ADAT2: variants seen among roughly 807,000 people sequenced by gnomAD.
ADAT2 encodes adenosine deaminase tRNA specific 2.
A neutral mutation model predicts 25.9 loss-of-function variants in ADAT2; 26 were observed. The ratio of observed to expected loss-of-function variants is 1.00; its 90% CI spans 0.74 to 1.39. ADAT2 has a LOEUF of 1.39. ADAT2 is among the 40% of genes most tolerant of loss of function. ADAT2 has a pLI of 0.00. For synonymous variants in ADAT2, 76 were observed against 86.8 expected, an observed-to-expected ratio of 0.88 and a Z score of 0.69; for missense variants, 220 against 244.8, an observed-to-expected ratio of 0.90 and a Z score of 0.68.
chr6:143,438,780 T>C, intron 1 of ADAT2, 86 bp from the exon 2 acceptor site: 1 of 1,080,724 alleles, frequency 9.3e-7, no homozygotes. Context: ...ATGAACAAGA[T>C]ACACATGTAC....
At chr6:143,438,857 C>A (rs1779372043) in intron 1 of ADAT2, among the ~76,000 whole-genome samples, 163 bp from the exon 2 acceptor site, 1 of 152,072 alleles carries the variant, frequency 6.6e-6, no homozygotes, top group Non-Finnish European at 1.5e-5. Flanking sequence ...GTATTTAGTG[C>A]CCGTGTTCTG....
rs1376436430 is a variant in ADAT2, at chr6:143,424,429, T to G, written c.*4034A>C. 1 of 152,238 alleles carries G rather than the reference T, an allele frequency of 6.6e-6. No homozygotes were observed. The highest frequency in any genetic ancestry group is 1.5e-5 in the Non-Finnish European group (1 of 68,044). 9.4% of individuals were successfully genotyped at this position (152,238 alleles called of 1,614,324 possible). On this transcript the variant is annotated 3_prime_UTR_variant, in exon 6 of 6. Transcript: ENST00000237283. This position sits in a 1 kb window ranked among gnomAD's most constrained non-coding sequence, Gnocchi z 4.8. ...GAGCTTTGGCTTTTGCTATTTTTACTGACATTTTGAAAGTAGCAGTGCTTA... is the reference window on the plus strand; with the variant it reads ...GAGCTTTGGCTTTTGCTATTTTTACGGACATTTTGAAAGTAGCAGTGCTTA...
At chr6:143,438,879 T>C (rs1358976136) in intron 1 of ADAT2, among the ~76,000 whole-genome samples, 185 bp from the exon 2 acceptor site, 2 of 152,128 alleles carry the variant, frequency 1.3e-5, no homozygotes, top group East Asian at 1.9e-4. Flanking sequence ...GTTGTGTCCA[T>C]GTTAAGGGAG....
In ADAT2 at chr6:143,426,280, CCT is replaced by C. The variant is rs1778931786; in HGVS notation, c.*2181_*2182del. On this transcript the variant is annotated 3_prime_UTR_variant, in exon 6 of 6. Coordinates refer to ENST00000237283, the MANE Select transcript of ADAT2 (RefSeq NM_182503.3). This position sits in a 1 kb window ranked among gnomAD's most constrained non-coding sequence, Gnocchi z 4.1. ...ATGTGGTACTCAGGAAGCTGAATGACCTCAACATATATCCATAATTCCTCACT... is the reference window on the plus strand; with the variant it reads ...ATGTGGTACTCAGGAAGCTGAATGACCAACATATATCCATAATTCCTCACT... 3 of 152,170 alleles carry C rather than the reference CCT, an allele frequency of 2.0e-5. No homozygotes were observed. Among genetic ancestry groups the C allele is most frequent in the Admixed American group, 1.3e-4 (2 of 15,280 alleles). The allele number at this position is 152,170 out of a possible 1,614,324, so 9.4% of individuals were successfully genotyped here.
intron 1 of ADAT2, among the ~76,000 whole-genome samples, chr6:143,447,368 AGTCACTC>A (rs1482764421): frequency 6.6e-6 from 1 of 152,216 alleles, no homozygotes; most frequent in African/African-American, 2.4e-5. Context: ...CATTTTAGGT[AGTCACTC>A]CATAGCAACA....
rs966708207 is a variant in ADAT2 at position 143,450,500 on chromosome 6, G to A, written c.96+63C>T. Reference sequence around the variant, plus strand: ...GAGAAAGAACGTTTGCTCAAATGCCGGGGTCGGGTTGAGGGCTGGAGAAAG... The same window carrying A: ...GAGAAAGAACGTTTGCTCAAATGCCAGGGTCGGGTTGAGGGCTGGAGAAAG... On this transcript the variant is annotated intron_variant, in intron 1 of 5. Coordinates refer to ENST00000237283, the MANE Select transcript of ADAT2 (RefSeq NM_182503.3). 170 of 1,544,642 alleles carry A rather than the reference G, an allele frequency of 1.1e-4. 1 individual carries two copies. The highest frequency in any genetic ancestry group is 5.4e-5 in the African/African-American group (4 of 73,420).
At chr6:143,450,416 G>C in intron 1 of ADAT2, 147 bp downstream of exon 1, 1 of 817,956 alleles carries the variant, frequency 1.2e-6, no homozygotes, top group Non-Finnish European at 2.0e-6. Context: ...AGAAAGTTTC[G>C]AGGCAGTAAA....
chr6:143,430,422 G>C (rs965886171), intron 4 of ADAT2, among the ~76,000 whole-genome samples: 1 of 152,096 alleles, frequency 6.6e-6, no homozygotes, highest in Non-Finnish European at 1.5e-5. Flanking sequence ...TGATTCTAAC[G>C]GGCAGTCCGG....
chr6:143,439,889 C>G (rs1176384846), intron 1 of ADAT2, among the ~76,000 whole-genome samples: 1 of 152,190 alleles, frequency 6.6e-6, no homozygotes, highest in Non-Finnish European at 1.5e-5. Context: ...AGGAACACTT[C>G]CATGACTACC....
intron 2 of ADAT2, 21 bp downstream of exon 2, chr6:143,438,569 T>G (rs1177220610): frequency 1.7e-5 from 27 of 1,574,592 alleles, no homozygotes; most frequent in Non-Finnish European, 2.4e-5. Flanking sequence ...TGTTTGCAAT[T>G]ATACTGCTCA....
chr6:143,445,741 C>T (rs1056445078), intron 1 of ADAT2, among the ~76,000 whole-genome samples: 2 of 152,120 alleles, frequency 1.3e-5, no homozygotes, highest in African/African-American at 4.8e-5. Context: ...CCAGGCACTA[C>T]GAAGCTTCTC....
In ADAT2 at chr6:143,444,798, G is replaced by T; in HGVS notation, c.96+5765C>A. ...TCTTTTTTTTCTCTAGTCAGGGCCT[G>T]CCCAGATACAGATAATGAAAGCACC... On this transcript the variant is annotated intron_variant, in intron 1 of 5. Coordinates refer to ENST00000237283, the MANE Select transcript of ADAT2 (RefSeq NM_182503.3). The surrounding 1 kb of genome is among the most constrained non-coding windows in gnomAD (Gnocchi z 4.3). The T allele has an allele frequency of 1.9e-6, 1 of 518,782 alleles. No individual in the cohort carries two copies. The highest frequency in any genetic ancestry group is 2.9e-6 in the Non-Finnish European group (1 of 347,684). 32.1% of individuals were successfully genotyped at this position (518,782 alleles called of 1,614,324 possible).
At position 143,437,648 on chromosome 6, in the gene ADAT2, T is replaced by A. The variant is rs1234621762; in HGVS notation, c.201+942A>T. ...AAAAATAAATAAGTAAATAAATGATTTGTGAATCTGGATTCCTATTTTACA... is the reference window on the plus strand; with the variant it reads ...AAAAATAAATAAGTAAATAAATGATATGTGAATCTGGATTCCTATTTTACA... On this transcript the variant is annotated intron_variant, in intron 2 of 5. Transcript: ENST00000237283. This position sits in a 1 kb window ranked among gnomAD's most constrained non-coding sequence, Gnocchi z 4.1. Among the ~76,000 whole-genome samples, 1 of 152,218 alleles carries A rather than the reference T, an allele frequency of 6.6e-6. No individual in the cohort carries two copies. The highest frequency in any genetic ancestry group is 2.4e-5 in the African/African-American group (1 of 41,458).
chr6:143,429,573 G>A (rs1779048766), intron 4 of ADAT2, among the ~76,000 whole-genome samples: 1 of 152,182 alleles, frequency 6.6e-6, no homozygotes, highest in African/African-American at 2.4e-5. Flanking sequence ...AGAAGCCTGG[G>A]TTGTGTGTGA....
At chr6:143,438,839 C>A (rs1329807639) in intron 1 of ADAT2, 145 bp from the exon 2 acceptor site, 2 of 671,914 alleles carry the variant, frequency 3.0e-6, no homozygotes, top group Non-Finnish European at 5.0e-6. Flanking sequence ...GAATATAGTT[C>A]CATTACGGTA....
intron 1 of ADAT2, among the ~76,000 whole-genome samples, chr6:143,449,420 A>AT (rs1176281730): frequency 6.6e-6 from 1 of 152,140 alleles, no homozygotes; most frequent in Non-Finnish European, 1.5e-5. Context: ...TGGCTTTGAC[A>AT]TTTTTTGTCT....
In ADAT2 at chr6:143,444,916, A is replaced by T; in HGVS notation, c.96+5647T>A. The T allele has an allele frequency of 7.7e-7, 1 of 1,301,646 alleles. No individual in the cohort carries two copies. Among genetic ancestry groups the T allele is most frequent in the Non-Finnish European group, 1.0e-6 (1 of 987,380 alleles). 80.6% of individuals were successfully genotyped at this position (1,301,646 alleles called of 1,614,324 possible). A position where few individuals can be genotyped will look rare whatever the true frequency, so the allele number is the denominator to read the frequency against. On this transcript the variant is annotated intron_variant, in intron 1 of 5. Transcript: ENST00000237283. The surrounding 1 kb of genome is among the most constrained non-coding windows in gnomAD (Gnocchi z 4.3). ...TGATGTCATGATAAAAGGGGGAGAG[A>T]TGGAAACAGACCTTGTTTGCACACA...
rs1402833272 is a variant in ADAT2 at position 143,437,049 on chromosome 6, T to A, written c.201+1541A>T. 6.7e-6 allele frequency among the ~76,000 whole-genome samples: 1 copy of A among 149,062 alleles called. No individual in the cohort carries two copies. The highest frequency in any genetic ancestry group is 1.5e-5 in the Non-Finnish European group (1 of 66,484). Reference sequence around the variant, plus strand: ...TAATTCTACACTTCGATCTACTATTTTTCATAAGCAAATTGATAAAAAAGT... The same window carrying A: ...TAATTCTACACTTCGATCTACTATTATTCATAAGCAAATTGATAAAAAAGT... On this transcript the variant is annotated intron_variant, in intron 2 of 5. Transcript: ENST00000237283. This position sits in a 1 kb window ranked among gnomAD's most constrained non-coding sequence, Gnocchi z 4.1.
At chr6:143,431,292 C>T (rs558013815) in intron 4 of ADAT2, among the ~76,000 whole-genome samples, 34 of 152,338 alleles carry the variant, frequency 2.2e-4, no homozygotes, top group African/African-American at 7.5e-4. Flanking sequence ...TTTGTGCCCT[C>T]ATGTCACTGA....
Sources: allele counts gnomAD v4.1 joint callset (sites outside exome capture counted in the v4.1 genomes callset), GRCh38; gene constraint gnomAD v4.1.1; non-coding constraint Gnocchi (gnomAD v3.1); transcripts MANE v1.5; gene names NCBI Gene and HGNC (gene_info 2026-07-23, HGNC 2026-07-21).